The following KSR2 variants were observed in gnomAD, a reference collection of about 807,000 sequenced individuals.
KSR2 encodes the protein kinase suppressor of ras 2.
KSR2 carries 25 observed loss-of-function variants against 107.8 expected under a neutral mutation model. The ratio of observed to expected loss-of-function variants is 0.23; its 90% CI spans 0.17 to 0.32. The LOEUF is 0.32. Among genes scored for constraint, KSR2 ranks in the 10% least tolerant of loss-of-function variants. The pLI is 1.00. For missense variants in KSR2, 887 were observed against 1,268.9 expected (o/e 0.70, Z 4.57); for synonymous variants, 480 against 507.0 (o/e 0.95, Z 0.71).
intron 14 of KSR2, among the ~76,000 whole-genome samples, chr12:117,521,552 G>A (rs1874760993): frequency 6.6e-6 from 1 of 152,150 alleles, no homozygotes; most frequent in South Asian, 2.1e-4. Context: ...TAGCATTTGC[G>A]GCTATAGCAA....
At chr12:117,615,801 T>C (rs867840756) in intron 5 of KSR2, among the ~76,000 whole-genome samples, 1 of 152,178 alleles carries the variant, frequency 6.6e-6, no homozygotes, top group Non-Finnish European at 1.5e-5. Context: ...CCCTGACCCA[T>C]AGATGCTGTG....
At chr12:117,613,311 T>C (rs185842960) in intron 5 of KSR2, among the ~76,000 whole-genome samples, 3 of 152,272 alleles carry the variant, frequency 2.0e-5, no homozygotes, top group African/African-American at 7.2e-5. Context: ...ATAGAAATAG[T>C]AGTGTATCAG....
At chr12:117,561,042 A>G (rs1416734929) in intron 7 of KSR2, among the ~76,000 whole-genome samples, 1 of 152,238 alleles carries the variant, frequency 6.6e-6, no homozygotes, top group Non-Finnish European at 1.5e-5. Context: ...CACACCTTAT[A>G]TTAATGGCAA....
chr12:117,695,536 T>C (rs1486540443), intron 4 of KSR2, among the ~76,000 whole-genome samples: 1 of 95,396 alleles, frequency 1.0e-5, no homozygotes, highest in Non-Finnish European at 2.2e-5. Flanking sequence ...TGAAATCCCA[T>C]TTCTACAAAA....
At chr12:117,651,358 G>C (rs766944846) in intron 5 of KSR2, among the ~76,000 whole-genome samples, 46 of 152,254 alleles carry the variant, frequency 3.0e-4, no homozygotes, top group Non-Finnish European at 5.6e-4. Context: ...GTCCCTGGAG[G>C]TGAGGTTGAG....
intron 4 of KSR2, among the ~76,000 whole-genome samples, chr12:117,694,096 G>A (rs981568345): frequency 2.0e-5 from 3 of 152,208 alleles, no homozygotes; most frequent in African/African-American, 7.2e-5. Flanking sequence ...TGCATGGCTA[G>A]TGCGAATGTG....
At chr12:117,595,351 C>CTTTTTTTTTTTTTTTTT (rs71099060) in intron 5 of KSR2, among the ~76,000 whole-genome samples, 1 of 94,584 alleles carries the variant, frequency 1.1e-5, no homozygotes, top group Non-Finnish European at 1.9e-5. Flanking sequence ...AGATCAAATT[C>CTTTTTTTTTTTTTTTTT]TTTTTTTTTT....
At chr12:117,598,549 C>T (rs965617311) in intron 5 of KSR2, among the ~76,000 whole-genome samples, 2 of 152,158 alleles carry the variant, frequency 1.3e-5, no homozygotes, top group Non-Finnish European at 2.9e-5. Flanking sequence ...TTACTGTTTT[C>T]CCTAGTGGTT....
At chr12:117,792,400 C>T (rs1012796703) in intron 3 of KSR2, among the ~76,000 whole-genome samples, 14 of 152,034 alleles carry the variant, frequency 9.2e-5, no homozygotes, top group African/African-American at 3.1e-4. Flanking sequence ...GTCAGACAGA[C>T]CTGCTTACGC....
intron 7 of KSR2, among the ~76,000 whole-genome samples, chr12:117,574,398 T>C (rs979388108): frequency 1.3e-5 from 2 of 152,064 alleles, no homozygotes; most frequent in South Asian, 2.1e-4. Context: ...TCCCTGAGAC[T>C]GGGTAATTTA....
At chr12:117,801,460 T>A (rs1890830764) in intron 3 of KSR2, among the ~76,000 whole-genome samples, 1 of 152,116 alleles carries the variant, frequency 6.6e-6, no homozygotes, top group Non-Finnish European at 1.5e-5. Context: ...AAAAGAGGTT[T>A]CATTGGTTCA....
intron 1 of KSR2, among the ~76,000 whole-genome samples, chr12:117,896,833 A>G (rs1002333093): frequency 2.0e-5 from 3 of 152,202 alleles, no homozygotes; most frequent in African/African-American, 4.8e-5. Flanking sequence ...TATGAGTTAT[A>G]TGTCATTTTT....
At chr12:117,747,892 G>A (rs1436320220) in intron 4 of KSR2, among the ~76,000 whole-genome samples, 2 of 152,176 alleles carry the variant, frequency 1.3e-5, no homozygotes, top group Admixed American at 6.5e-5. Flanking sequence ...AAACAGTGTG[G>A]AGGTTCCACA....
chr12:117,662,463 A>G (rs187465437), intron 5 of KSR2, among the ~76,000 whole-genome samples: 1 of 152,244 alleles, frequency 6.6e-6, no homozygotes, highest in Admixed American at 6.5e-5. Flanking sequence ...TCGACAAACC[A>G]GGCTTCTGAC....
intron 7 of KSR2, among the ~76,000 whole-genome samples, chr12:117,574,820 T>C (rs370669786): frequency 2.7e-5 from 4 of 145,958 alleles, no homozygotes; most frequent in African/African-American, 5.1e-5. Context: ...ATGTGTAGAA[T>C]AGCATGAGGC....
intron 4 of KSR2, among the ~76,000 whole-genome samples, chr12:117,738,708 C>A (rs1394854507): frequency 6.6e-6 from 1 of 152,036 alleles, no homozygotes; most frequent in Non-Finnish European, 1.5e-5. Flanking sequence ...AACCCCATCT[C>A]TACTAAAAAT....
chr12:117,926,558 G>A (rs1895524728), intron 1 of KSR2, among the ~76,000 whole-genome samples: 1 of 152,190 alleles, frequency 6.6e-6, no homozygotes, highest in South Asian at 2.1e-4. Context: ...GCCCTTCTAA[G>A]AGCTCTTTTC....
At chr12:117,925,057 T>G (rs1227183941) in intron 1 of KSR2, among the ~76,000 whole-genome samples, 1 of 151,906 alleles carries the variant, frequency 6.6e-6, no homozygotes, top group Admixed American at 6.6e-5. Flanking sequence ...GAAACAAGAT[T>G]GGCAAGACGT....
chr12:117,813,888 G>A (rs543164319), intron 3 of KSR2, among the ~76,000 whole-genome samples: 47 of 152,300 alleles, frequency 3.1e-4, no homozygotes, highest in African/African-American at 1.0e-3. Context: ...TCCAAGAAGA[G>A]ATGAATGGAT....
Sources: gnomAD v4.1 joint callset for allele counts (sites outside exome capture counted in the v4.1 genomes callset) on GRCh38, gnomAD v4.1.1 for gene constraint, MANE v1.5 for transcripts, NCBI Gene and HGNC (gene_info 2026-07-23, HGNC 2026-07-21) for gene names.